FNTA: variants seen among roughly 807,000 people sequenced by gnomAD.
FNTA encodes protein farnesyltransferase/geranylgeranyltransferase type-1 subunit alpha.
Under a neutral mutation model 55.2 loss-of-function variants are expected in FNTA, and 27 were observed. The ratio of observed to expected loss-of-function variants is 0.49; its 90% confidence interval spans 0.36 to 0.67. FNTA has a LOEUF of 0.67. FNTA is among the 30% of genes least tolerant of loss of function. The probability of loss-of-function intolerance (pLI) is 0.00; values close to 1 mark genes in which losing one functional copy is unlikely to be tolerated. For missense variants in FNTA, 422 were observed against 464.7 expected (o/e 0.91, Z 0.85); for synonymous variants, 176 against 170.7 (o/e 1.03, Z -0.24).
At chr8:43,073,328 T>C (rs1810837316) in intron 5 of FNTA, 1 of 152,192 alleles carries the variant, frequency 6.6e-6, no homozygotes, top group African/African-American at 2.4e-5. Flanking sequence ...ACATAACCAG[T>C]ATTTTTGAAA....
At chr8:43,078,339 T>A (rs2130568609) in intron 6 of FNTA, 1 of 152,212 alleles carries the variant, frequency 6.6e-6, no homozygotes, top group South Asian at 2.1e-4. Context: ...ATGTTTTTTT[T>A]TTTTGTTTGT....
chr8:43,060,985 A>G (rs1292452575), intron 2 of FNTA, among the ~76,000 whole-genome samples: 3 of 152,246 alleles, frequency 2.0e-5, no homozygotes, highest in African/African-American at 7.2e-5. Context: ...CCATTGGCCA[A>G]TAAAATAGGA....
intron 1 of FNTA, among the ~76,000 whole-genome samples, chr8:43,057,955 T>TAAAAA (rs1810448938): frequency 8.8e-6 from 1 of 113,546 alleles, no homozygotes; most frequent in African/African-American, 3.7e-5. Context: ...TGACTCCATC[T>TAAAAA]CAAAAAAAAA....
At chr8:43,076,025 C>T (rs942073030) in intron 5 of FNTA, among the ~76,000 whole-genome samples, 8 of 151,700 alleles carry the variant, frequency 5.3e-5, no homozygotes, top group Non-Finnish European at 8.8e-5. Flanking sequence ...CCACGATGCC[C>T]GACTAATTTT....
intron 2 of FNTA, among the ~76,000 whole-genome samples, chr8:43,062,067 C>T (rs1473415025): frequency 1.2e-4 from 18 of 152,166 alleles, no homozygotes; most frequent in Non-Finnish European, 2.1e-4. Flanking sequence ...TTACCTTTTA[C>T]AGTGAATCGG....
chr8:43,083,138 A>G lies in FNTA; in HGVS notation c.803A>G (p.Lys268Arg). The stretch of plus-strand genomic sequence containing the variant: ...TGCAGATACACTCTGGAAATGATTA[A>G]ACTAGTACCACATAATGAAAGTGCA... ...REVQYTLEMI[K>R]LVPHNESAWN... The change falls in exon 7 of 9, where the codon AAA (lysine) becomes AGA (arginine). Residue 268 changes from lysine to arginine, a missense_variant. Lys to Arg is a conservative substitution (Grantham distance 26). Transcript: ENST00000302279. 1 of 1,586,514 alleles carries G rather than the reference A, an allele frequency of 6.3e-7. No individual in the cohort carries two copies.
chr8:43,077,462 A>G (rs559840366), intron 6 of FNTA, 98 bp downstream of exon 6: 174 of 887,872 alleles, frequency 2.0e-4, no homozygotes, highest in Non-Finnish European at 2.8e-4. Flanking sequence ...ATCCTACCCC[A>G]TGGAACTAAA....
rs1563331962 is a variant in FNTA at position 43,085,333 on chromosome 8, C to A, written c.*51C>A. 1 of 1,565,522 alleles carries A rather than the reference C, an allele frequency of 6.4e-7. No homozygotes were observed. The highest frequency in any genetic ancestry group is 8.7e-7 in the Non-Finnish European group (1 of 1,150,334). ...TGCTTTTATTTTTTATTAAGGGACC[C>A]TGCAGGAGTTTCACACGAGAGTGGT... On this transcript the variant is annotated 3_prime_UTR_variant, in exon 9 of 9. Coordinates refer to ENST00000302279, the MANE Select transcript of FNTA (RefSeq NM_002027.3).
chr8:43,071,910 C>A (rs1203743430), intron 4 of FNTA, among the ~76,000 whole-genome samples: 1 of 152,044 alleles, frequency 6.6e-6, no homozygotes, highest in African/African-American at 2.4e-5. Flanking sequence ...TTTGTCTTGT[C>A]TCTCATTATA....
intron 1 of FNTA, among the ~76,000 whole-genome samples, chr8:43,058,057 A>C (rs917861787): frequency 2.0e-5 from 3 of 152,156 alleles, no homozygotes; most frequent in Admixed American, 1.3e-4. Flanking sequence ...TTCTGTAAGC[A>C]CTCACTGTTG....
At chr8:43,058,904 CTTTAATAG>C in intron 1 of FNTA, 180 bp from the exon 2 acceptor site, 2 of 415,938 alleles carry the variant, frequency 4.8e-6, no homozygotes, top group Non-Finnish European at 8.5e-6. Flanking sequence ...TTTAATTTTA[CTTTAATAG>C]TTTAATGTGT....
chr8:43,070,846 A>G (rs1366692740), intron 4 of FNTA, among the ~76,000 whole-genome samples: 3 of 152,264 alleles, frequency 2.0e-5, no homozygotes, highest in African/African-American at 7.2e-5. Flanking sequence ...ATCCGAGAAC[A>G]TCAGCATGAA....
In FNTA at chr8:43,084,728, T is replaced by C. The variant is rs1446811280; in HGVS notation, c.864T>C (p.Gly288=). The C allele has an allele frequency of 3.7e-6, 6 of 1,608,916 alleles. No individual in the cohort carries two copies. In the African/African-American group the frequency reaches 5.4e-5, roughly 14 times the overall value. The change falls in exon 8 of 9, where the codon GGT becomes GGC. Residue 288 remains glycine, a synonymous_variant. Coordinates refer to ENST00000302279, the MANE Select transcript of FNTA (RefSeq NM_002027.3). The stretch of plus-strand genomic sequence containing the variant: ...TTTACAGGATTTTGCAGGATCGTGG[T>C]CTTTCCAAATATCCTAATCTGTTAA... The part of the protein sequence containing the change: ...NYLKGILQDR[G]LSKYPNLLNQ...
chr8:43,067,133 T>G (rs573989129), intron 3 of FNTA, among the ~76,000 whole-genome samples: 2 of 152,326 alleles, frequency 1.3e-5, no homozygotes, highest in South Asian at 4.1e-4. Flanking sequence ...TGCTTCAGAT[T>G]TTTCCAGAGA....
At chr8:43,065,429 T>G (rs1249485216) in intron 3 of FNTA, among the ~76,000 whole-genome samples, 6 of 152,112 alleles carry the variant, frequency 3.9e-5, no homozygotes. Context: ...GTATTTTTAG[T>G]AGAGACGGGG....
At chr8:43,064,331 G>T (rs1263933989) in intron 3 of FNTA, 116 bp downstream of exon 3, 1 of 643,670 alleles carries the variant, frequency 1.6e-6, no homozygotes, top group Non-Finnish European at 2.7e-6. Context: ...TTTGGAGGGG[G>T]GTGCAGTTTC....
intron 2 of FNTA, 40 bp from the exon 3 acceptor site, chr8:43,064,061 A>G: frequency 1.6e-6 from 2 of 1,242,140 alleles, no homozygotes; most frequent in Non-Finnish European, 1.2e-6. Context: ...GCTAATTTTA[A>G]GTAAGATGGT....
At chr8:43,071,544 C>T (rs1395000168) in intron 4 of FNTA, among the ~76,000 whole-genome samples, 3 of 151,978 alleles carry the variant, frequency 2.0e-5, no homozygotes, top group South Asian at 4.2e-4. Context: ...TGGTGGCAGG[C>T]GCCTGTAATC....
chr8:43,084,363 G>GT (rs1409212997), intron 7 of FNTA, among the ~76,000 whole-genome samples: 1 of 151,588 alleles, frequency 6.6e-6, no homozygotes, highest in African/African-American at 2.4e-5. Context: ...GAGACTATAG[G>GT]TGCCACCACT....
Sources: gnomAD v4.1 joint callset for allele counts (sites outside exome capture counted in the v4.1 genomes callset) on GRCh38, gnomAD v4.1.1 for gene constraint, MANE v1.5 for transcripts, NCBI Gene and HGNC (gene_info 2026-07-23, HGNC 2026-07-21) for gene names.